PCDH15: variants seen among roughly 807,000 people sequenced by gnomAD.
PCDH15 encodes protocadherin-15.
In PCDH15, 129 loss-of-function variants were observed where a neutral mutation model predicts 178.5. The observed-to-expected ratio is 0.72, with a 90% CI of 0.63 to 0.84. The LOEUF (loss-of-function observed/expected upper bound fraction) is 0.84. Ranked by LOEUF, PCDH15 falls within the 40% of genes least tolerant of loss-of-function variation. The probability of loss-of-function intolerance (pLI) is 0.00; values close to 1 mark genes in which losing one functional copy is unlikely to be tolerated. For missense variants in PCDH15, 2,230 were observed against 2,099.9 expected (o/e 1.06, Z -1.21); for synonymous variants, 800 against 732.0 (o/e 1.09, Z -1.50).
At chr10:55,051,282 T>C (rs987098545) in intron 2 of PCDH15, among the ~76,000 whole-genome samples, 29 of 152,270 alleles carry the variant, frequency 1.9e-4, no homozygotes, top group Non-Finnish European at 3.5e-4. Context: ...GGAAATGTTA[T>C]AGCATACAGA....
At chr10:54,853,289 GTATATATATATATA>G (rs71014423) in intron 3 of PCDH15, among the ~76,000 whole-genome samples, 1 of 102,576 alleles carries the variant, frequency 9.7e-6, no homozygotes, top group Non-Finnish European at 1.9e-5. Flanking sequence ...ATGTATGTGT[GTATATATATATATA>G]TATATATATA....
At chr10:54,796,222 TTATC>T (rs59479208) in intron 1 of PCDH15, among the ~76,000 whole-genome samples, 19,918 of 124,670 alleles carry the variant, frequency 0.16, 1,755 homozygotes, top group East Asian at 0.23. Context: ...TCTTTCTACA[TTATC>T]TATCTATCTA....
chr10:54,876,390 G>T (rs185846543), intron 3 of PCDH15, among the ~76,000 whole-genome samples: 8 of 152,034 alleles, frequency 5.3e-5, no homozygotes, highest in Non-Finnish European at 7.4e-5. Flanking sequence ...GAGTAATGTC[G>T]GTGTTCAAGA....
chr10:53,906,205 T>TA (rs79491382), intron 25 of PCDH15, among the ~76,000 whole-genome samples: 2 of 151,698 alleles, frequency 1.3e-5, no homozygotes, highest in South Asian at 4.1e-4. Context: ...GATGTTAGAA[T>TA]AAAAAAAATT....
intron 2 of PCDH15, among the ~76,000 whole-genome samples, chr10:55,012,794 T>C (rs1219881867): frequency 7.2e-5 from 11 of 152,128 alleles, no homozygotes; most frequent in Non-Finnish European, 1.5e-4. Flanking sequence ...AAGGCCCCTT[T>C]ATCTTTCCTC....
chr10:55,097,497 C>T (rs925977083), intron 2 of PCDH15, among the ~76,000 whole-genome samples: 4 of 152,070 alleles, frequency 2.6e-5, no homozygotes, highest in Non-Finnish European at 1.5e-5. Context: ...AGTGGTCAGT[C>T]CTCTCCAGTG....
chr10:54,569,650 G>T (rs2089519895), intron 2 of PCDH15, among the ~76,000 whole-genome samples: 1 of 152,062 alleles, frequency 6.6e-6, no homozygotes, highest in African/African-American at 2.4e-5. Context: ...TGGCTTTGGG[G>T]GATTTTTCAA....
intron 15 of PCDH15, among the ~76,000 whole-genome samples, chr10:54,108,922 C>G (rs912942083): frequency 9.9e-5 from 15 of 152,104 alleles, no homozygotes; most frequent in African/African-American, 3.4e-4. Context: ...AGAGAAGAAC[C>G]CAGTCCTGGT....
At chr10:54,756,169 G>T (rs902848417) in intron 1 of PCDH15, among the ~76,000 whole-genome samples, 1 of 151,954 alleles carries the variant, frequency 6.6e-6, no homozygotes, top group Non-Finnish European at 1.5e-5. Flanking sequence ...AGAATAGTTT[G>T]AGCCCGGGAG....
chr10:54,428,592 C>T (rs1401158772), intron 3 of PCDH15, among the ~76,000 whole-genome samples: 1 of 152,114 alleles, frequency 6.6e-6, no homozygotes, highest in Non-Finnish European at 1.5e-5. Context: ...AAGTGCGTCC[C>T]AGAAAACAAG....
intron 17 of PCDH15, 145 bp from the exon 18 acceptor site, chr10:54,067,030 A>T (rs1431662644): frequency 1.1e-5 from 8 of 697,544 alleles, no homozygotes; most frequent in Non-Finnish European, 1.7e-5. Context: ...AAAATAAAAA[A>T]ATAAAAAAAT....
At chr10:55,367,889 AT>A (rs1845406989) in intron 2 of PCDH15, among the ~76,000 whole-genome samples, 2 of 152,092 alleles carry the variant, frequency 1.3e-5, no homozygotes, top group African/African-American at 2.4e-5. Flanking sequence ...CTTTAAATTA[AT>A]TTTTTAACAC....
chr10:54,630,080 A>G (rs1312943466), intron 2 of PCDH15, among the ~76,000 whole-genome samples: 1 of 152,144 alleles, frequency 6.6e-6, no homozygotes, highest in Admixed American at 6.5e-5. Flanking sequence ...GCTGAATGAA[A>G]TCATAGATGA....
chr10:54,378,248 A>G (rs965321518), intron 4 of PCDH15, among the ~76,000 whole-genome samples: 6 of 151,942 alleles, frequency 3.9e-5, no homozygotes, highest in African/African-American at 1.5e-4. Context: ...ATTCTTAATA[A>G]AAAAAAATTT....
chr10:54,191,985 A>AG (rs2049044997), intron 11 of PCDH15, among the ~76,000 whole-genome samples: 3 of 130,774 alleles, frequency 2.3e-5, no homozygotes, highest in Non-Finnish European at 3.2e-5. Flanking sequence ...GAAGGAAGGG[A>AG]CGGGGGGAAG....
At chr10:55,269,916 C>T (rs1842397403) in intron 1 of PCDH15, among the ~76,000 whole-genome samples, 1 of 152,074 alleles carries the variant, frequency 6.6e-6, no homozygotes, top group African/African-American at 2.4e-5. Flanking sequence ...CAGCATGATA[C>T]TGGTATAAAA....
intron 13 of PCDH15, among the ~76,000 whole-genome samples, chr10:54,167,911 C>T (rs375310511): frequency 2.0e-5 from 3 of 151,524 alleles, no homozygotes; most frequent in East Asian, 3.9e-4. Context: ...TCTCTGTGCC[C>T]CAACCCCTTT....
intron 8 of PCDH15, among the ~76,000 whole-genome samples, chr10:54,303,471 TGTTA>T (rs1376135284): frequency 1.3e-5 from 2 of 152,020 alleles, no homozygotes; most frequent in African/African-American, 4.8e-5. Context: ...TCTCTGCAGA[TGTTA>T]GTATGTGGAA....
intron 1 of PCDH15, among the ~76,000 whole-genome samples, chr10:55,204,944 T>G (rs571768556): frequency 6.6e-6 from 1 of 152,218 alleles, no homozygotes; most frequent in Admixed American, 6.5e-5. Context: ...ATCTATTAAA[T>G]AATTTTTAGA....
Sources: gnomAD v4.1 joint callset for allele counts (sites outside exome capture counted in the v4.1 genomes callset) on GRCh38, gnomAD v4.1.1 for gene constraint, MANE v1.5 for transcripts, NCBI Gene and HGNC (gene_info 2026-07-23, HGNC 2026-07-21) for gene names.